Variants in DESI2 observed in about 807,000 individuals in gnomAD.
DESI2 encodes the protein deubiquitinase DESI2.
A neutral mutation model predicts 24.1 loss-of-function variants in DESI2; 10 were observed. The observed-to-expected ratio is 0.41, with a 90% CI of 0.26 to 0.70. The LOEUF is 0.70. DESI2 is among the 30% of genes least tolerant of loss of function. The pLI is 0.29. For synonymous variants in DESI2, 71 were observed against 87.7 expected, an observed-to-expected ratio of 0.81 and a Z score of 1.06; for missense variants, 122 against 234.9, an observed-to-expected ratio of 0.52 and a Z score of 3.14.
At position 244,689,397 on chromosome 1, in the gene DESI2, C is replaced by A; in HGVS notation, c.209+55C>A. 1 of 818,908 alleles carries A rather than the reference C, an allele frequency of 1.2e-6. No homozygotes were observed. The highest frequency in any genetic ancestry group is 2.1e-6 in the Non-Finnish European group (1 of 483,966). The allele number at this position is 818,908 out of a possible 1,614,324, so 50.7% of individuals were successfully genotyped here. A position where few individuals can be genotyped will look rare whatever the true frequency, so the allele number is the denominator to read the frequency against. ...TGTCTTAGGTGCCATAGCTTGTTTT[C>A]AGGTATACAGAATTCATTCTGTAAA... On this transcript the variant is annotated intron_variant, in intron 3 of 4. Transcript: ENST00000302550. This position sits in a 1 kb window ranked among gnomAD's most constrained non-coding sequence, Gnocchi z 4.0.
chr1:244,673,989 CTTTTTTT>C (rs143887006), intron 1 of DESI2, among the ~76,000 whole-genome samples: 3 of 73,198 alleles, frequency 4.1e-5, no homozygotes, highest in Non-Finnish European at 5.3e-5. Context: ...ACTTCTGTCT[CTTTTTTT>C]TTTTTTTTTT....
intron 1 of DESI2, among the ~76,000 whole-genome samples, chr1:244,663,949 C>T (rs550330039): frequency 1.3e-4 from 17 of 133,488 alleles, no homozygotes; most frequent in East Asian, 1.2e-3. Flanking sequence ...ACCTGGGAGG[C>T]GGAGGTTGCA....
rs1163191370 is a variant in DESI2, at chr1:244,707,894, G to A, written c.*2105G>A. The stretch of plus-strand genomic sequence containing the variant: ...TTGGAGTTTAAAAATAATGTAAAGG[G>A]TTCTAGTAGAAATAGTGTCCTAAGG... On this transcript the variant is annotated 3_prime_UTR_variant, in exon 5 of 5. Coordinates refer to ENST00000302550, the MANE Select transcript of DESI2 (RefSeq NM_016076.5). The A allele has an allele frequency of 1.3e-5, 2 of 152,168 alleles. No individual in the cohort carries two copies. Among genetic ancestry groups the A allele is most frequent in the Non-Finnish European group, 2.9e-5 (2 of 68,040 alleles). The allele number at this position is 152,168 out of a possible 1,614,324, so 9.4% of individuals were successfully genotyped here. A position where few individuals can be genotyped will look rare whatever the true frequency, so the allele number is the denominator to read the frequency against.
At position 244,697,881 on chromosome 1, in the gene DESI2, C is replaced by T. The variant is rs181311829; in HGVS notation, c.351+5861C>T. Among the ~76,000 whole-genome samples the T allele has an allele frequency of 5.3e-5, 8 of 152,282 alleles. No individual in the cohort carries two copies. The East Asian group carries it at 7.7e-4, about 15-fold the overall frequency. ...GAGGAAAAAAGGTTGAATCAGTTCTCAGGGCTGGAGCAAAGTAAAAAAGGG... is the reference window on the plus strand; with the variant it reads ...GAGGAAAAAAGGTTGAATCAGTTCTTAGGGCTGGAGCAAAGTAAAAAAGGG... On this transcript the variant is annotated intron_variant, in intron 4 of 4. Coordinates refer to ENST00000302550, the MANE Select transcript of DESI2 (RefSeq NM_016076.5).
intron 1 of DESI2, among the ~76,000 whole-genome samples, chr1:244,664,221 T>G (rs563059292): frequency 6.6e-6 from 1 of 152,152 alleles, no homozygotes; most frequent in Non-Finnish European, 1.5e-5. Context: ...CAGGTTATGT[T>G]GAACAAACCT....
chr1:244,698,407 G>A (rs1433574643), intron 4 of DESI2, among the ~76,000 whole-genome samples: 1 of 152,226 alleles, frequency 6.6e-6, no homozygotes, highest in African/African-American at 2.4e-5. Context: ...AAAATCAGAT[G>A]TCTGACCCTA....
intron 1 of DESI2, among the ~76,000 whole-genome samples, chr1:244,675,838 T>C (rs1247794661): frequency 2.6e-5 from 4 of 152,318 alleles, no homozygotes; most frequent in Non-Finnish European, 5.9e-5. Flanking sequence ...TGGCAGTGAA[T>C]CTTCAGGTCA....
chr1:244,695,763 A>G (rs770039899), intron 4 of DESI2, among the ~76,000 whole-genome samples: 18 of 152,048 alleles, frequency 1.2e-4, no homozygotes, highest in Admixed American at 9.2e-4. Context: ...TCCAGCCCCA[A>G]ATTGTTTTGA....
intron 1 of DESI2, among the ~76,000 whole-genome samples, chr1:244,663,726 T>C (rs570963153): frequency 6.6e-6 from 1 of 152,084 alleles, no homozygotes; most frequent in South Asian, 2.1e-4. Context: ...TAAAAAATTA[T>C]TCAAGAACTT....
At chr1:244,684,766 A>G (rs141445500) in intron 1 of DESI2, among the ~76,000 whole-genome samples, 1,873 of 152,288 alleles carry the variant, frequency 0.012, 18 homozygotes, top group Admixed American at 0.02. Flanking sequence ...GGCTTTGCAT[A>G]TGTACTAGTA....
intron 1 of DESI2, among the ~76,000 whole-genome samples, chr1:244,665,342 C>G (rs1293388279): frequency 6.6e-6 from 1 of 152,148 alleles, no homozygotes; most frequent in Non-Finnish European, 1.5e-5. Flanking sequence ...GCGCTCCTAA[C>G]TGTCATGCTG....
At chr1:244,685,744 G>A (rs573763357) in intron 1 of DESI2, among the ~76,000 whole-genome samples, 3 of 152,312 alleles carry the variant, frequency 2.0e-5, no homozygotes, top group Admixed American at 1.3e-4. Flanking sequence ...CCTAACCTGG[G>A]AGACATCCAA....
In DESI2 at chr1:244,695,486, T is replaced by TA. The variant is rs1449483497; in HGVS notation, c.351+3468dup. 7.9e-5 allele frequency among the ~76,000 whole-genome samples: 12 copies of TA among 152,190 alleles called. No homozygotes were observed. In the East Asian group the frequency reaches 9.7e-4, roughly 12 times the overall value. ...GGCCAACATGTTGAAACCTCATCTC[T>TA]AACTAAAAATATAAAAATTAGCTGG... On this transcript the variant is annotated intron_variant, in intron 4 of 4. Transcript: ENST00000302550.
chr1:244,705,863 AT>A lies in DESI2; in HGVS notation c.*75del. 2 of 1,048,438 alleles carry A rather than the reference AT, an allele frequency of 1.9e-6. No homozygotes were observed. Among genetic ancestry groups the A allele is most frequent in the South Asian group, 3.0e-5 (2 of 67,554 alleles). The allele number at this position is 1,048,438 out of a possible 1,614,324, so 64.9% of individuals were successfully genotyped here. A position where few individuals can be genotyped will look rare whatever the true frequency, so the allele number is the denominator to read the frequency against. Reference sequence around the variant, plus strand: ...ACTAGAGAAAAGTAAACAGAGAAGCATCCTTTAGATATTTTGTATGCAAAGA... The same window carrying A: ...ACTAGAGAAAAGTAAACAGAGAAGCACCTTTAGATATTTTGTATGCAAAGA... On this transcript the variant is annotated 3_prime_UTR_variant, in exon 5 of 5. Transcript: ENST00000302550.
At chr1:244,665,853 A>C (rs1003122865) in intron 1 of DESI2, among the ~76,000 whole-genome samples, 7 of 152,230 alleles carry the variant, frequency 4.6e-5, no homozygotes, top group African/African-American at 1.7e-4. Flanking sequence ...TCCTTAAAAT[A>C]ATCACTTCTT....
At chr1:244,656,850 C>T (rs1675664181) in intron 1 of DESI2, among the ~76,000 whole-genome samples, 1 of 152,188 alleles carries the variant, frequency 6.6e-6, no homozygotes, top group African/African-American at 2.4e-5. Context: ...TCTCGGCTCA[C>T]AGCAACCTCT....
At chr1:244,655,330 C>T (rs1488264809) in intron 1 of DESI2, among the ~76,000 whole-genome samples, 1 of 152,190 alleles carries the variant, frequency 6.6e-6, no homozygotes, top group Non-Finnish European at 1.5e-5. Flanking sequence ...AATTCCTGCA[C>T]TTATGTCTTT....
At chr1:244,653,661 C>T in intron 1 of DESI2, 1 of 490,848 alleles carries the variant, frequency 2.0e-6, no homozygotes, top group Non-Finnish European at 3.6e-6. Context: ...CGTGCAGTGT[C>T]CTTTCGGCAA....
At chr1:244,682,453 T>A (rs1280786184) in intron 1 of DESI2, among the ~76,000 whole-genome samples, 2 of 152,210 alleles carry the variant, frequency 1.3e-5, no homozygotes, top group Non-Finnish European at 2.9e-5. Context: ...ATTTACATCG[T>A]TCAAATGTCA....
Sources: allele counts gnomAD v4.1 joint callset (sites outside exome capture counted in the v4.1 genomes callset), GRCh38; gene constraint gnomAD v4.1.1; non-coding constraint Gnocchi (gnomAD v3.1); transcripts MANE v1.5; gene names NCBI Gene and HGNC (gene_info 2026-07-23, HGNC 2026-07-21).